The following SRP54 variants were observed in gnomAD, a reference collection of about 807,000 sequenced individuals.
SRP54 encodes the protein signal recognition particle subunit SRP54.
Under a neutral mutation model 64.8 loss-of-function variants are expected in SRP54, and 10 were observed. The observed-to-expected ratio is 0.15, with a 90% confidence interval of 0.10 to 0.26. The LOEUF (loss-of-function observed/expected upper bound fraction) is 0.26. SRP54 is among the 10% of genes least tolerant of loss of function. The probability of loss-of-function intolerance (pLI) is 1.00; values close to 1 mark genes in which losing one functional copy is unlikely to be tolerated. For synonymous variants in SRP54, 193 were observed against 185.6 expected (o/e 1.04, Z -0.32); for missense variants, 325 against 613.7 (o/e 0.53, Z 4.97).
chr14:35,016,489 C>G (rs2044439926), intron 11 of SRP54, among the ~76,000 whole-genome samples: 1 of 152,188 alleles, frequency 6.6e-6, no homozygotes, highest in South Asian at 2.1e-4. Context: ...CCCTCTATCT[C>G]TCTTCTTACC....
At chr14:35,019,104 A>G in intron 13 of SRP54, 30 bp downstream of exon 13, 4 of 1,473,922 alleles carry the variant, frequency 2.7e-6, no homozygotes, top group Non-Finnish European at 3.8e-6. Flanking sequence ...TCCTCAGGCA[A>G]AAATGTTCTG....
At chr14:35,012,823 A>G (rs1471153763) in intron 8 of SRP54, among the ~76,000 whole-genome samples, 2 of 152,140 alleles carry the variant, frequency 1.3e-5, no homozygotes, top group Non-Finnish European at 2.9e-5. Context: ...CAAGTTTCTT[A>G]GGACAAATAT....
At chr14:35,011,735 C>A in intron 8 of SRP54, 76 bp downstream of exon 8, 2 of 1,265,712 alleles carry the variant, frequency 1.6e-6, no homozygotes, top group East Asian at 2.6e-5. Context: ...AGTATATGAC[C>A]AATATAAATT....
At chr14:35,015,450 C>T (rs2044423262) in intron 11 of SRP54, among the ~76,000 whole-genome samples, 1 of 152,134 alleles carries the variant, frequency 6.6e-6, no homozygotes, top group Non-Finnish European at 1.5e-5. Context: ...ATTTTCTTTA[C>T]CCCACATGAA....
intron 8 of SRP54, 91 bp from the exon 9 acceptor site, chr14:35,013,255 C>T (rs2044384526): frequency 1.5e-6 from 2 of 1,291,236 alleles, no homozygotes; most frequent in Admixed American, 4.5e-5. Context: ...GCACCTGGCT[C>T]TAAATATTGT....
chr14:35,012,209 T>TC (rs1295151126), intron 8 of SRP54, among the ~76,000 whole-genome samples: 3 of 99,260 alleles, frequency 3.0e-5, no homozygotes, highest in Admixed American at 1.2e-4. Context: ...AGAGCAAAAC[T>TC]CCATCTCCAA....
At chr14:34,997,018 C>A (rs553745981) in intron 2 of SRP54, 10 of 415,752 alleles carry the variant, frequency 2.4e-5, no homozygotes, top group African/African-American at 2.1e-4. Context: ...CGAAAAAAAC[C>A]TGACCTTAAC....
intron 1 of SRP54, among the ~76,000 whole-genome samples, chr14:34,984,337 A>G (rs960516890): frequency 3.9e-5 from 6 of 152,152 alleles, no homozygotes; most frequent in Non-Finnish European, 7.4e-5. Flanking sequence ...AAAAGCTCCT[A>G]TCTCTTTGGT....
intron 13 of SRP54, among the ~76,000 whole-genome samples, chr14:35,019,817 A>T (rs1360829464): frequency 6.6e-6 from 1 of 152,234 alleles, no homozygotes; most frequent in Admixed American, 6.5e-5. Context: ...ACAAATACAT[A>T]TACTGTAGTC....
At chr14:35,009,385 T>C (rs1280145397) in intron 7 of SRP54, among the ~76,000 whole-genome samples, 1 of 150,738 alleles carries the variant, frequency 6.6e-6, no homozygotes, top group Non-Finnish European at 1.5e-5. Context: ...ATCTGAGTTT[T>C]TGGTGGTGGT....
intron 14 of SRP54, among the ~76,000 whole-genome samples, chr14:35,026,565 A>G (rs1036527695): frequency 1.3e-5 from 2 of 151,904 alleles, no homozygotes; most frequent in African/African-American, 2.4e-5. Flanking sequence ...CCTTTTTACT[A>G]TGGTGTTTTG....
At chr14:34,985,114 T>C (rs2043873482) in intron 1 of SRP54, among the ~76,000 whole-genome samples, 1 of 152,152 alleles carries the variant, frequency 6.6e-6, no homozygotes, top group Non-Finnish European at 1.5e-5. Flanking sequence ...GCAGATTGCT[T>C]TAGCTCAAGA....
At chr14:35,027,042 T>TC (rs2044641523) in intron 14 of SRP54, among the ~76,000 whole-genome samples, 2 of 150,632 alleles carry the variant, frequency 1.3e-5, no homozygotes, top group Admixed American at 1.3e-4. Context: ...TTTTTTTTTT[T>TC]CTTCTGAGAC....
intron 15 of SRP54, 32 bp from the exon 16 acceptor site, chr14:35,029,029 T>C: frequency 6.4e-7 from 1 of 1,561,316 alleles, no homozygotes; most frequent in Non-Finnish European, 8.8e-7. Context: ...TAATTCTCTG[T>C]TTTTAACTCT....
At chr14:34,996,601 C>A in intron 1 of SRP54, 76 bp from the exon 2 acceptor site, 1 of 784,174 alleles carries the variant, frequency 1.3e-6, no homozygotes, top group South Asian at 1.5e-5. Flanking sequence ...GTAATTTGAA[C>A]TTAAATACTC....
chr14:34,983,507 A>C (rs984807457), intron 1 of SRP54, among the ~76,000 whole-genome samples: 1 of 152,240 alleles, frequency 6.6e-6, no homozygotes, highest in African/African-American at 2.4e-5. Flanking sequence ...AGATGAAGCT[A>C]CTTCCCCGAA....
chr14:34,988,560 CA>C lies in SRP54; in HGVS notation c.-34+5364del, dbSNP rs1160365086. Among the ~76,000 whole-genome samples the C allele has an allele frequency of 2.9e-3, 76 of 26,360 alleles. 1 individual carries two copies. The highest frequency in any genetic ancestry group is 4.4e-3 in the African/African-American group (55 of 12,538). The allele number at this position is 26,360 out of a possible 152,430, so 17.3% of individuals were successfully genotyped here. Reference sequence around the variant, plus strand: ...CTGGCGACAGAGTGAGACTCCATCTCAAAAAAAAAAAAAAAAAAATATATAT... The same window carrying C: ...CTGGCGACAGAGTGAGACTCCATCTCAAAAAAAAAAAAAAAAAATATATAT... On this transcript the variant is annotated intron_variant, in intron 1 of 15. Coordinates refer to ENST00000216774, the MANE Select transcript of SRP54 (RefSeq NM_003136.4).
At chr14:34,984,954 T>C (rs1489826608) in intron 1 of SRP54, among the ~76,000 whole-genome samples, 1 of 150,828 alleles carries the variant, frequency 6.6e-6, no homozygotes, top group Non-Finnish European at 1.5e-5. Context: ...CATACGAAAG[T>C]GTATAAAAGC....
chr14:34,993,915 G>A (rs1339821130), intron 1 of SRP54, among the ~76,000 whole-genome samples: 1 of 151,898 alleles, frequency 6.6e-6, no homozygotes, highest in Non-Finnish European at 1.5e-5. Context: ...GGGTGGTCTC[G>A]AACTCCCAAC....
Sources: allele counts gnomAD v4.1 joint callset (sites outside exome capture counted in the v4.1 genomes callset), GRCh38; gene constraint gnomAD v4.1.1; transcripts MANE v1.5; gene names NCBI Gene and HGNC (gene_info 2026-07-23, HGNC 2026-07-21).